PROX1: variants seen among roughly 807,000 people sequenced by gnomAD.
The protein encoded by PROX1 is prospero homeobox protein 1.
Under a neutral mutation model 58.8 loss-of-function variants are expected in PROX1, and 7 were observed. The ratio of observed to expected loss-of-function variants is 0.12; its 90% CI spans 0.07 to 0.22. The LOEUF is 0.22. PROX1 is among the 10% of genes least tolerant of loss of function. PROX1 has a pLI of 1.00. For synonymous variants in PROX1, 350 were observed against 358.3 expected, an observed-to-expected ratio of 0.98 and a Z score of 0.26; for missense variants, 675 against 927.8, an observed-to-expected ratio of 0.73 and a Z score of 3.54.
chr1:213,983,232 A>G (rs1388235868), upstream of PROX1: 1 of 152,200 alleles, frequency 6.6e-6, no homozygotes, highest in Non-Finnish European at 1.5e-5. Flanking sequence ...TTTCCAACAC[A>G]CGCAGGCGTA....
At position 214,037,725 on chromosome 1, in the gene PROX1, T is replaced by A. The variant is rs543400426; in HGVS notation, c.*1891T>A. 1.7e-4 allele frequency: 26 copies of A among 152,266 alleles called. No homozygotes were observed. Among genetic ancestry groups the A allele is most frequent in the African/African-American group, 6.0e-4 (25 of 41,538 alleles). The allele number at this position is 152,266 out of a possible 1,614,324, so 9.4% of individuals were successfully genotyped here. A position where few individuals can be genotyped will look rare whatever the true frequency, so the allele number is the denominator to read the frequency against. On this transcript the variant is annotated 3_prime_UTR_variant, in exon 5 of 5. Coordinates refer to ENST00000366958, the MANE Select transcript of PROX1 (RefSeq NM_001270616.2). ...CATCTCCCAGCTCACACTCTACTAA[T>A]GCACAGAGTCATTAGATCCAATTTG...
At chr1:214,023,627 G>C (rs76421685) in intron 4 of PROX1, among the ~76,000 whole-genome samples, 2,259 of 152,252 alleles carry the variant, frequency 0.015, 22 homozygotes, top group Non-Finnish European at 0.019. Flanking sequence ...CCAAATGATA[G>C]TAATATAGAT....
rs926793276 is a variant in PROX1, at chr1:214,038,892, C to T, written c.*3058C>T. The T allele has an allele frequency of 5.9e-5, 9 of 152,046 alleles. No individual in the cohort carries two copies. The highest frequency in any genetic ancestry group is 1.4e-4 in the African/African-American group (6 of 41,396). 9.4% of individuals were successfully genotyped at this position (152,046 alleles called of 1,614,324 possible). A position where few individuals can be genotyped will look rare whatever the true frequency, so the allele number is the denominator to read the frequency against. On this transcript the variant is annotated 3_prime_UTR_variant, in exon 5 of 5. Coordinates refer to ENST00000366958, the MANE Select transcript of PROX1 (RefSeq NM_001270616.2). ...GAGAATTTTTAGAACAGTTTGATAC[C>T]GCAAATTATTTTTTCCTCAATTGTT...
At chr1:214,013,079 T>A (rs1663971191) in intron 4 of PROX1, among the ~76,000 whole-genome samples, 1 of 152,180 alleles carries the variant, frequency 6.6e-6, no homozygotes. Flanking sequence ...TACCTATTTG[T>A]CTTTGCTCTC....
At chr1:213,987,579 C>G (rs915388398), upstream of PROX1, 1 of 149,552 alleles carries the variant, frequency 6.7e-6, no homozygotes, top group Admixed American at 6.6e-5. Flanking sequence ...AAAAAAAAGA[C>G]CTGCGTCCTG....
intron 4 of PROX1, among the ~76,000 whole-genome samples, chr1:214,027,132 G>A (rs541901113): frequency 9.2e-5 from 14 of 152,132 alleles, no homozygotes; most frequent in Non-Finnish European, 1.8e-4. Flanking sequence ...AACTCTTTCC[G>A]TCTGGCTGAC....
Position 214,041,265 on chromosome 1 carries a change from T to G in PROX1, c.*5431T>G, listed in dbSNP as rs1197148398. The G allele has an allele frequency of 6.6e-6, 1 of 152,148 alleles. No homozygotes were observed. The highest frequency in any genetic ancestry group is 1.5e-5 in the Non-Finnish European group (1 of 67,996). The allele number at this position is 152,148 out of a possible 1,614,324, so 9.4% of individuals were successfully genotyped here. On this transcript the variant is annotated 3_prime_UTR_variant, in exon 5 of 5. Coordinates refer to ENST00000366958, the MANE Select transcript of PROX1 (RefSeq NM_001270616.2). ...ACATTACAAGCTCAGTGCCGTTTGA[T>G]TTTCTTAAAGAAAGAGTGACTTTTA...
intron 4 of PROX1, among the ~76,000 whole-genome samples, chr1:214,031,064 TGTGCGCGCGCGCGCATTC>T (rs1259316801): frequency 1.4e-5 from 2 of 141,800 alleles, no homozygotes; most frequent in African/African-American, 5.3e-5. Context: ...TGTGTGTGTG[TGTGCGCGCGCGCGCATTC>T]GCGCACGCAC....
chr1:213,997,699 C>T lies in PROX1; in HGVS notation c.1164C>T (p.Ile388=). The T allele has an allele frequency of 6.2e-7, 1 of 1,614,006 alleles. No homozygotes were observed. The highest frequency in any genetic ancestry group is 8.5e-7 in the Non-Finnish European group (1 of 1,179,928). The change falls in exon 2 of 5, where the codon ATC becomes ATT. Residue 388 remains isoleucine, a synonymous_variant. Coordinates refer to ENST00000366958, the MANE Select transcript of PROX1 (RefSeq NM_001270616.2). The surrounding 1 kb of genome is among the most constrained non-coding windows in gnomAD (Gnocchi z 7.1). ...CTCAGGTCTTCCCACCTCTCCAGATCCCCCAGGCCAGATTTGCAGTCAATG... is the reference window on the plus strand; with the variant it reads ...CTCAGGTCTTCCCACCTCTCCAGATTCCCCAGGCCAGATTTGCAGTCAATG... ...QVPQVFPPLQ[I]PQARFAVNGE... is the part of the protein sequence containing the mutation.
intron 4 of PROX1, chr1:214,030,166 T>C (rs1664597457): frequency 6.6e-6 from 1 of 152,568 alleles, no homozygotes; most frequent in Non-Finnish European, 1.5e-5. Context: ...AGTCAGCATT[T>C]TATTGCCCTT....
chr1:214,000,042 T>C (rs1183977172), intron 2 of PROX1, among the ~76,000 whole-genome samples: 1 of 134,194 alleles, frequency 7.5e-6, no homozygotes, highest in Admixed American at 7.9e-5. Context: ...TCTCTCTCTC[T>C]TACACACACA....
intron 4 of PROX1, 143 bp from the exon 5 acceptor site, chr1:214,035,506 G>C: frequency 1.4e-6 from 1 of 734,762 alleles, no homozygotes. Context: ...TACATTAAAA[G>C]AATAGAAGCC....
chr1:214,039,820 C>G lies in PROX1; in HGVS notation c.*3986C>G, dbSNP rs541128361. On this transcript the variant is annotated 3_prime_UTR_variant, in exon 5 of 5. Transcript: ENST00000366958. ...GCGCATACACACACACACACACACA[C>G]ACACACACACAAACACACACACTGT... The G allele has an allele frequency of 1.1e-3, 161 of 149,950 alleles. No homozygotes were observed. The highest frequency in any genetic ancestry group is 3.9e-3 in the African/African-American group (155 of 39,362). 9.3% of individuals were successfully genotyped at this position (149,950 alleles called of 1,614,324 possible).
chr1:214,004,438 C>T (rs985444640), intron 2 of PROX1, among the ~76,000 whole-genome samples: 1 of 152,210 alleles, frequency 6.6e-6, no homozygotes, highest in African/African-American at 2.4e-5. Context: ...CCAACTACTG[C>T]GTCACTCTCA....
chr1:214,037,007 A>G lies in PROX1; in HGVS notation c.*1173A>G, dbSNP rs1039490125. On this transcript the variant is annotated 3_prime_UTR_variant, in exon 5 of 5. Coordinates refer to ENST00000366958, the MANE Select transcript of PROX1 (RefSeq NM_001270616.2). ...AAAGCAATTGATAATGCCTCTTCCAATTCAGAAGCTAGTATTGACCAAAAT... is the reference window on the plus strand; with the variant it reads ...AAAGCAATTGATAATGCCTCTTCCAGTTCAGAAGCTAGTATTGACCAAAAT... 4 of 152,246 alleles carry G rather than the reference A, an allele frequency of 2.6e-5. No homozygotes were observed. Among genetic ancestry groups the G allele is most frequent in the African/African-American group, 7.2e-5 (3 of 41,470 alleles). The allele number at this position is 152,246 out of a possible 1,614,324, so 9.4% of individuals were successfully genotyped here. A position where few individuals can be genotyped will look rare whatever the true frequency, so the allele number is the denominator to read the frequency against.
In PROX1 at chr1:214,000,000, AG is replaced by A. The variant is rs1663435312; in HGVS notation, c.1725+1742del. Among the ~76,000 whole-genome samples, 4 of 152,002 alleles carry A rather than the reference AG, an allele frequency of 2.6e-5. No homozygotes were observed. In the South Asian group the frequency reaches 6.2e-4, roughly 24 times the overall value. Reference sequence around the variant, plus strand: ...AGATCTCTTAACTTCATTTTGAACCAGGTAGTTGTGATAGTGGGTTCTTTCT... The same window carrying A: ...AGATCTCTTAACTTCATTTTGAACCAGTAGTTGTGATAGTGGGTTCTTTCT... On this transcript the variant is annotated intron_variant, in intron 2 of 4. Transcript: ENST00000366958.
At chr1:213,987,093 G>A (rs1272172477), upstream of PROX1, among the ~76,000 whole-genome samples, 1 of 152,126 alleles carries the variant, frequency 6.6e-6, no homozygotes, top group Admixed American at 6.5e-5. Flanking sequence ...AAGGGTAATC[G>A]CCAGATGTTT....
intron 3 of PROX1, among the ~76,000 whole-genome samples, chr1:214,005,795 A>G (rs942633885): frequency 5.9e-5 from 9 of 152,196 alleles, no homozygotes; most frequent in Non-Finnish European, 1.3e-4. Context: ...TTGTTGATGT[A>G]GAGTACACTG....
intron 4 of PROX1, among the ~76,000 whole-genome samples, chr1:214,021,946 G>A (rs1321139405): frequency 6.6e-6 from 1 of 152,234 alleles, no homozygotes; most frequent in East Asian, 1.9e-4. Flanking sequence ...TTGAACTTGA[G>A]TCTATAATAA....
Sources: gnomAD v4.1 joint callset for allele counts (sites outside exome capture counted in the v4.1 genomes callset) on GRCh38, gnomAD v4.1.1 for gene constraint, Gnocchi (gnomAD v3.1) non-coding constraint, MANE v1.5 for transcripts, NCBI Gene and HGNC (gene_info 2026-07-23, HGNC 2026-07-21) for gene names.